Variants in EPHA4 observed in about 807,000 individuals in gnomAD.
EPHA4 encodes the protein ephrin type-A receptor 4.
EPHA4 carries 19 observed loss-of-function variants against 108.3 expected under a neutral mutation model. That is an observed-to-expected ratio of 0.18 (90% CI 0.12 to 0.26). The LOEUF (loss-of-function observed/expected upper bound fraction) is 0.26, where lower values mean the gene tolerates loss of function less well. Among genes scored for constraint, EPHA4 ranks in the 10% least tolerant of loss-of-function variants. The pLI is 1.00. For synonymous variants in EPHA4, 449 were observed against 455.5 expected, an observed-to-expected ratio of 0.99 and a Z score of 0.18; for missense variants, 917 against 1,254.0, an observed-to-expected ratio of 0.73 and a Z score of 4.06.
intron 15 of EPHA4, among the ~76,000 whole-genome samples, chr2:221,427,403 T>G (rs757687583): frequency 1.2e-4 from 18 of 152,226 alleles, no homozygotes; most frequent in Non-Finnish European, 2.5e-4. Context: ...CACAAGCAAT[T>G]ACAGGCTGGA....
chr2:221,468,183 G>T (rs1018076029), intron 5 of EPHA4, among the ~76,000 whole-genome samples: 3 of 151,412 alleles, frequency 2.0e-5, no homozygotes, highest in African/African-American at 4.9e-5. Flanking sequence ...CCAAATGGGG[G>T]TCTCCATGAC....
intron 3 of EPHA4, among the ~76,000 whole-genome samples, chr2:221,514,319 G>C (rs1404940825): frequency 1.3e-5 from 2 of 152,126 alleles, no homozygotes; most frequent in African/African-American, 4.8e-5. Flanking sequence ...CACATCCCCA[G>C]ACCTGAATCC....
At chr2:221,456,204 T>A (rs1368580205) in intron 7 of EPHA4, among the ~76,000 whole-genome samples, 1 of 151,806 alleles carries the variant, frequency 6.6e-6, no homozygotes, top group African/African-American at 2.4e-5. Flanking sequence ...TAACTTGATT[T>A]AAATGATTCT....
intron 15 of EPHA4, 112 bp downstream of exon 15, chr2:221,429,846 G>C (rs1559236009): frequency 8.6e-7 from 1 of 1,163,326 alleles, no homozygotes; most frequent in Non-Finnish European, 1.2e-6. Context: ...CCAGGTTGCA[G>C]AGAGCCATGA....
At chr2:221,548,653 G>A (rs1034830608) in intron 3 of EPHA4, among the ~76,000 whole-genome samples, 5 of 151,900 alleles carry the variant, frequency 3.3e-5, no homozygotes, top group African/African-American at 4.8e-5. Context: ...ATATTATGAC[G>A]TACTCTTAGA....
intron 5 of EPHA4, among the ~76,000 whole-genome samples, chr2:221,466,098 C>T (rs190282624): frequency 3.5e-4 from 53 of 152,288 alleles, no homozygotes; most frequent in African/African-American, 1.1e-3. Flanking sequence ...ACAGAGGCCG[C>T]GTGGCTTCCC....
intron 3 of EPHA4, among the ~76,000 whole-genome samples, chr2:221,528,491 G>C (rs895689556): frequency 2.0e-5 from 3 of 152,136 alleles, no homozygotes; most frequent in Non-Finnish European, 2.9e-5. Context: ...TATTCCCTTT[G>C]AATCACCACA....
At chr2:221,495,592 A>G (rs1181618968) in intron 4 of EPHA4, among the ~76,000 whole-genome samples, 1 of 152,230 alleles carries the variant, frequency 6.6e-6, no homozygotes, top group Non-Finnish European at 1.5e-5. Flanking sequence ...CCATAGAAAC[A>G]TCTCAGCACA....
At chr2:221,568,522 G>A (rs1030253885) in intron 2 of EPHA4, among the ~76,000 whole-genome samples, 196 bp downstream of exon 2, 5 of 152,048 alleles carry the variant, frequency 3.3e-5, no homozygotes, top group African/African-American at 1.2e-4. Context: ...TGCCCTTTTG[G>A]TTTCTAGTTC....
At chr2:221,457,581 G>A (rs1191459812) in intron 6 of EPHA4, among the ~76,000 whole-genome samples, 2 of 152,222 alleles carry the variant, frequency 1.3e-5, no homozygotes, top group Middle Eastern at 3.4e-3. Flanking sequence ...TATCATTATT[G>A]TTATTTTCTA....
chr2:221,442,327 A>G (rs1270417787), intron 11 of EPHA4, among the ~76,000 whole-genome samples: 1 of 152,222 alleles, frequency 6.6e-6, no homozygotes, highest in East Asian at 1.9e-4. Flanking sequence ...GGAAAGTTCA[A>G]CCAGGTGTTA....
chr2:221,492,155 G>A (rs1417979705), intron 4 of EPHA4, among the ~76,000 whole-genome samples: 4 of 152,052 alleles, frequency 2.6e-5, no homozygotes, highest in African/African-American at 2.4e-5. Flanking sequence ...GACAGGACTC[G>A]GTCAATGACA....
intron 14 of EPHA4, among the ~76,000 whole-genome samples, chr2:221,432,804 C>T (rs1192505839): frequency 6.7e-6 from 1 of 149,602 alleles, no homozygotes. Context: ...CCACCACGCC[C>T]AGCAAATCTT....
intron 14 of EPHA4, 55 bp downstream of exon 14, chr2:221,434,087 C>T: frequency 6.4e-7 from 1 of 1,564,044 alleles, no homozygotes; most frequent in Non-Finnish European, 8.7e-7. Flanking sequence ...TACAGTAATG[C>T]AGAACTTCCT....
At chr2:221,505,149 T>C (rs1308577068) in intron 3 of EPHA4, among the ~76,000 whole-genome samples, 2 of 152,106 alleles carry the variant, frequency 1.3e-5, no homozygotes, top group Non-Finnish European at 1.5e-5. Flanking sequence ...GCACTTGAGA[T>C]ATGGCCGGTC....
intron 2 of EPHA4, among the ~76,000 whole-genome samples, chr2:221,566,281 C>T (rs1694625309): frequency 6.6e-6 from 1 of 151,908 alleles, no homozygotes; most frequent in African/African-American, 2.4e-5. Flanking sequence ...ATTATCAGAC[C>T]AAATTACTAT....
At chr2:221,461,992 T>TTG (rs997576864) in intron 5 of EPHA4, among the ~76,000 whole-genome samples, 7 of 151,070 alleles carry the variant, frequency 4.6e-5, no homozygotes, top group African/African-American at 1.7e-4. Context: ...ATTCTTTTTT[T>TTG]TTTTTTTTTA....
intron 14 of EPHA4, among the ~76,000 whole-genome samples, chr2:221,432,874 G>C (rs1240879338): frequency 1.4e-5 from 2 of 146,680 alleles, no homozygotes; most frequent in Non-Finnish European, 3.0e-5. Flanking sequence ...GCCCAGGCTG[G>C]AGTGCAGTGG....
intron 3 of EPHA4, among the ~76,000 whole-genome samples, chr2:221,511,318 T>A (rs987979140): frequency 1.3e-5 from 2 of 152,176 alleles, no homozygotes; most frequent in Non-Finnish European, 2.9e-5. Context: ...AAATTGACAA[T>A]CTAATTTAGG....
Sources: allele counts gnomAD v4.1 joint callset (sites outside exome capture counted in the v4.1 genomes callset), GRCh38; gene constraint gnomAD v4.1.1; transcripts MANE v1.5; gene names NCBI Gene and HGNC (gene_info 2026-07-23, HGNC 2026-07-21).